CNTNAP5: variants seen among roughly 807,000 people sequenced by gnomAD.
CNTNAP5 encodes contactin associated protein family member 5, also known as contactin-associated protein-like 5.
Under a neutral mutation model 150.2 loss-of-function variants are expected in CNTNAP5, and 72 were observed. The observed-to-expected ratio is 0.48, with a 90% CI of 0.40 to 0.58. The LOEUF is 0.58. Ranked by LOEUF, CNTNAP5 falls within the 20% of genes least tolerant of loss-of-function variation. The probability of loss-of-function intolerance (pLI) is 0.00; values close to 1 mark genes in which losing one functional copy is unlikely to be tolerated. For missense variants in CNTNAP5, 1,636 were observed against 1,626.2 expected (o/e 1.01, Z -0.10); for synonymous variants, 672 against 619.8 (o/e 1.08, Z -1.25).
At chr2:124,417,063 G>C (rs750641727) in intron 3 of CNTNAP5, among the ~76,000 whole-genome samples, 4 of 150,416 alleles carry the variant, frequency 2.7e-5, no homozygotes, top group Non-Finnish European at 5.9e-5. Flanking sequence ...TCAGTCTCTC[G>C]GGTAGCTGGG....
intron 6 of CNTNAP5, among the ~76,000 whole-genome samples, chr2:124,451,051 AATAT>A (rs1553469335): frequency 4.9e-4 from 32 of 65,302 alleles, no homozygotes; most frequent in African/African-American, 7.9e-4. Context: ...AAAAAAAAAA[AATAT>A]ATATATATAT....
chr2:124,069,585 G>T (rs952773697), intron 1 of CNTNAP5, among the ~76,000 whole-genome samples: 3 of 152,130 alleles, frequency 2.0e-5, no homozygotes. Context: ...AATTTCAGTG[G>T]TGGTGGCCAT....
chr2:124,608,954 A>T (rs1573494299), intron 11 of CNTNAP5, among the ~76,000 whole-genome samples: 2 of 152,178 alleles, frequency 1.3e-5, no homozygotes, highest in African/African-American at 4.8e-5. Flanking sequence ...AGAAAAAAAA[A>T]AAAAGAAAAA....
intron 13 of CNTNAP5, among the ~76,000 whole-genome samples, chr2:124,651,727 A>T (rs949746644): frequency 1.3e-5 from 2 of 152,212 alleles, no homozygotes; most frequent in African/African-American, 4.8e-5. Flanking sequence ...GTGTAGGAAA[A>T]TGGAAGGAGA....
At chr2:124,565,540 A>G (rs1696000874) in intron 11 of CNTNAP5, among the ~76,000 whole-genome samples, 1 of 151,556 alleles carries the variant, frequency 6.6e-6, no homozygotes, top group African/African-American at 2.4e-5. Flanking sequence ...GAACAATAGA[A>G]TAACAGAGAT....
chr2:124,311,756 G>A (rs1012612548), intron 3 of CNTNAP5, among the ~76,000 whole-genome samples: 10 of 152,168 alleles, frequency 6.6e-5, no homozygotes, highest in Non-Finnish European at 1.2e-4. Context: ...TTCACTCAGT[G>A]AAACTTTGCT....
intron 13 of CNTNAP5, among the ~76,000 whole-genome samples, chr2:124,713,587 G>A (rs930207139): frequency 1.3e-5 from 2 of 151,706 alleles, no homozygotes; most frequent in Non-Finnish European, 2.9e-5. Context: ...TGTCGGCTAG[G>A]GTGGTCTTGA....
intron 8 of CNTNAP5, among the ~76,000 whole-genome samples, chr2:124,510,087 G>C (rs986599659): frequency 4.6e-5 from 7 of 151,574 alleles, no homozygotes; most frequent in Non-Finnish European, 8.8e-5. Flanking sequence ...TGTAATCCCA[G>C]CTACTTGCTA....
intron 19 of CNTNAP5, among the ~76,000 whole-genome samples, chr2:124,852,233 G>C (rs1267339665): frequency 1.3e-5 from 2 of 152,180 alleles, no homozygotes; most frequent in Non-Finnish European, 2.9e-5. Context: ...AATCAATTAT[G>C]ACTGACAGCT....
At chr2:124,425,357 C>A (rs1692214840) in intron 4 of CNTNAP5, among the ~76,000 whole-genome samples, 1 of 152,172 alleles carries the variant, frequency 6.6e-6, no homozygotes, top group Non-Finnish European at 1.5e-5. Context: ...ATTGTATGAA[C>A]ATCCTTTTAG....
chr2:124,330,202 A>T (rs952011498), intron 3 of CNTNAP5, among the ~76,000 whole-genome samples: 7 of 152,160 alleles, frequency 4.6e-5, no homozygotes, highest in African/African-American at 1.7e-4. Context: ...GCTTTATAAT[A>T]TCAACCTCAG....
At chr2:124,454,918 C>A (rs2104814482) in intron 6 of CNTNAP5, among the ~76,000 whole-genome samples, 1 of 152,048 alleles carries the variant, frequency 6.6e-6, no homozygotes, top group South Asian at 2.1e-4. Context: ...AAGTTCATAG[C>A]CCTAAACAAC....
chr2:124,255,359 C>A lies in CNTNAP5; in HGVS notation c.381+12966C>A, dbSNP rs574882301. Among the ~76,000 whole-genome samples the A allele has an allele frequency of 9.2e-5, 14 of 151,762 alleles. No homozygotes were observed. In the South Asian group the frequency reaches 2.7e-3, roughly 29 times the overall value. On this transcript the variant is annotated intron_variant, in intron 3 of 23. Transcript: ENST00000682447. Reference sequence around the variant, plus strand: ...CCAACATGGTGAAACTCCATCTTTACTAAAAATACAAAAATTTAGCCGGGT... The same window carrying A: ...CCAACATGGTGAAACTCCATCTTTAATAAAAATACAAAAATTTAGCCGGGT...
intron 3 of CNTNAP5, among the ~76,000 whole-genome samples, chr2:124,417,236 C>G (rs377272536): frequency 1.3e-5 from 2 of 151,958 alleles, no homozygotes; most frequent in Admixed American, 1.3e-4. Context: ...CTTCACACAG[C>G]CTAAAAGGGA....
chr2:124,528,867 C>T (rs1487840865), intron 10 of CNTNAP5, among the ~76,000 whole-genome samples: 1 of 152,082 alleles, frequency 6.6e-6, no homozygotes, highest in Non-Finnish European at 1.5e-5. Context: ...TGCCCCAGTT[C>T]AGGAGAGGAA....
intron 13 of CNTNAP5, among the ~76,000 whole-genome samples, chr2:124,704,162 C>A (rs540517084): frequency 6.6e-6 from 1 of 152,284 alleles, no homozygotes; most frequent in African/African-American, 2.4e-5. Flanking sequence ...TAAATCTGTA[C>A]TCCAAAGATT....
chr2:124,146,095 A>G (rs912721995), intron 1 of CNTNAP5, among the ~76,000 whole-genome samples: 1 of 152,164 alleles, frequency 6.6e-6, no homozygotes, highest in Non-Finnish European at 1.5e-5. Flanking sequence ...ACCTGCTAAC[A>G]AAGAGAAAGG....
At chr2:124,760,025 A>G (rs960843068) in intron 14 of CNTNAP5, among the ~76,000 whole-genome samples, 3 of 150,302 alleles carry the variant, frequency 2.0e-5, no homozygotes, top group Admixed American at 6.7e-5. Context: ...AAACAAAGCT[A>G]AGACAGAATT....
At chr2:124,551,902 G>A (rs1270624661) in intron 10 of CNTNAP5, among the ~76,000 whole-genome samples, 1 of 152,108 alleles carries the variant, frequency 6.6e-6, no homozygotes, top group Non-Finnish European at 1.5e-5. Context: ...TATCTTTTAA[G>A]CGATGATTTT....
Sources: gnomAD v4.1 joint callset for allele counts (sites outside exome capture counted in the v4.1 genomes callset) on GRCh38, gnomAD v4.1.1 for gene constraint, MANE v1.5 for transcripts, NCBI Gene and HGNC (gene_info 2026-07-23, HGNC 2026-07-21) for gene names.